Variants in PARN observed in about 807,000 individuals in gnomAD.
PARN encodes poly(A)-specific ribonuclease PARN.
Under a neutral mutation model 102.8 loss-of-function variants are expected in PARN, and 71 were observed. The ratio of observed to expected loss-of-function variants is 0.69; its 90% CI spans 0.57 to 0.84. The LOEUF is 0.84. Ranked by LOEUF, PARN falls within the 40% of genes least tolerant of loss-of-function variation. The pLI, the probability that PARN is intolerant of heterozygous loss-of-function variation, is 0.00. For missense variants in PARN, 782 were observed against 760.9 expected, an observed-to-expected ratio of 1.03 and a Z score of -0.33; for synonymous variants, 261 against 252.9, an observed-to-expected ratio of 1.03 and a Z score of -0.30.
At chr16:14,481,952 G>A (rs1197799738) in intron 22 of PARN, among the ~76,000 whole-genome samples, 1 of 152,136 alleles carries the variant, frequency 6.6e-6, no homozygotes, top group Non-Finnish European at 1.5e-5. Flanking sequence ...GTATCTACAG[G>A]ACCTGAAAGC....
At chr16:14,575,906 C>T (rs565405413) in intron 18 of PARN, among the ~76,000 whole-genome samples, 1 of 152,296 alleles carries the variant, frequency 6.6e-6, no homozygotes, top group African/African-American at 2.4e-5. Context: ...CTTTCCTGCA[C>T]TGTTCTCGTG....
intron 21 of PARN, among the ~76,000 whole-genome samples, chr16:14,538,219 CTTTT>C (rs34012270): frequency 1.5e-5 from 2 of 131,838 alleles, no homozygotes. Flanking sequence ...ATATTTTTCA[CTTTT>C]TTTTTTTTTT....
At chr16:14,438,252 T>C (rs1233887038) in intron 23 of PARN, among the ~76,000 whole-genome samples, 5 of 152,226 alleles carry the variant, frequency 3.3e-5, no homozygotes, top group Admixed American at 6.5e-5. Context: ...AGGGCACTTT[T>C]ATAATTCACA....
chr16:14,486,890 T>C (rs1465590344), intron 21 of PARN, among the ~76,000 whole-genome samples: 1 of 152,214 alleles, frequency 6.6e-6, no homozygotes, highest in Non-Finnish European at 1.5e-5. Flanking sequence ...TTCAAGGCAA[T>C]CTATCGGTCT....
chr16:14,493,751 A>G (rs1964173298), intron 21 of PARN, among the ~76,000 whole-genome samples: 1 of 152,238 alleles, frequency 6.6e-6, no homozygotes, highest in Non-Finnish European at 1.5e-5. Flanking sequence ...GAGGTGGAAG[A>G]GCTACTGCTT....
chr16:14,562,296 G>T (rs1968115164), intron 18 of PARN, among the ~76,000 whole-genome samples: 1 of 150,658 alleles, frequency 6.6e-6, no homozygotes. Context: ...CTGCTACAAA[G>T]AAATACAGAA....
At chr16:14,531,136 G>A (rs191753777) in intron 21 of PARN, among the ~76,000 whole-genome samples, 221 of 152,220 alleles carry the variant, frequency 1.5e-3, no homozygotes, top group Non-Finnish European at 2.2e-3. Context: ...AGATCACTTG[G>A]AGTTTGAGAA....
chr16:14,619,847 G>A (rs1318288404), intron 5 of PARN, among the ~76,000 whole-genome samples: 47 of 150,726 alleles, frequency 3.1e-4, no homozygotes, highest in Admixed American at 5.3e-4. Flanking sequence ...TGAGGCAGGC[G>A]GATCAAGAGG....
intron 6 of PARN, among the ~76,000 whole-genome samples, chr16:14,614,289 G>T (rs1176543764): frequency 6.6e-6 from 1 of 151,872 alleles, no homozygotes; most frequent in Non-Finnish European, 1.5e-5. Context: ...GTAAATGAGA[G>T]GTGCAGTTTT....
chr16:14,495,844 G>T (rs1964286726), intron 21 of PARN, among the ~76,000 whole-genome samples: 1 of 152,132 alleles, frequency 6.6e-6, no homozygotes. Context: ...TGTGTGCGCG[G>T]ACAGCTTTGT....
At chr16:14,577,606 T>A (rs1969223808) in intron 18 of PARN, among the ~76,000 whole-genome samples, 1 of 152,162 alleles carries the variant, frequency 6.6e-6, no homozygotes, top group African/African-American at 2.4e-5. Context: ...AGTGGTGGGA[T>A]TACAGGCATG....
At position 14,628,207 on chromosome 16, in the gene PARN, C is replaced by G. The variant is rs573504567; in HGVS notation, c.142G>C (p.Asp48His). ...TTCTGATACCTCTCTTCTGGAGTGT[C>G]AAAACCATTTGTTAATGCAGAGACT... Reference protein sequence around the residue: ...PSVSALTNGFDTPEERYQKLK... With the variant: ...PSVSALTNGFHTPEERYQKLK... The change falls in exon 3 of 24, where the codon GAC becomes CAC. Residue 48 changes from aspartate to histidine, a missense_variant. Physicochemically the swap from Asp to His is moderately conservative, Grantham distance 81. Coordinates refer to ENST00000437198, the MANE Select transcript of PARN (RefSeq NM_002582.4). The G allele has an allele frequency of 6.2e-7, 1 of 1,607,992 alleles. No individual in the cohort carries two copies. The highest frequency in any genetic ancestry group is 1.3e-5 in the African/African-American group (1 of 74,896).
intron 21 of PARN, among the ~76,000 whole-genome samples, chr16:14,507,018 T>C (rs150329786): frequency 8.1e-4 from 123 of 152,310 alleles, no homozygotes; most frequent in Non-Finnish European, 1.4e-3. Flanking sequence ...TTTTAGAGGG[T>C]GATCTGACAA....
chr16:14,548,497 T>C (rs1040363400), intron 21 of PARN, among the ~76,000 whole-genome samples: 3 of 152,338 alleles, frequency 2.0e-5, no homozygotes, highest in Admixed American at 2.0e-4. Context: ...TACTTACTAA[T>C]GTCAGACACT....
rs573018132 is a variant in PARN at position 14,539,962 on chromosome 16, T to C, written c.1480+12059A>G. 1.2e-3 allele frequency among the ~76,000 whole-genome samples: 181 copies of C among 152,354 alleles called. 1 individual carries two copies. The highest frequency in any genetic ancestry group is 3.9e-3 in the African/African-American group (163 of 41,588). ...GCATTTGCATTGTTAGGCATGTAAGTAATCTAGTGATGTTTTTAAGTATAC... is the reference window on the plus strand; with the variant it reads ...GCATTTGCATTGTTAGGCATGTAAGCAATCTAGTGATGTTTTTAAGTATAC... On this transcript the variant is annotated intron_variant, in intron 21 of 23. Transcript: ENST00000437198.
chr16:14,523,912 C>T (rs1446803051), intron 21 of PARN, among the ~76,000 whole-genome samples: 2 of 152,006 alleles, frequency 1.3e-5, no homozygotes, highest in East Asian at 1.9e-4. Flanking sequence ...GCCTACTACA[C>T]GCCTGGGCTA....
At position 14,571,431 on chromosome 16, in the gene PARN, G is replaced by A. The variant is rs181913291; in HGVS notation, c.1262+9443C>T. Among the ~76,000 whole-genome samples the A allele has an allele frequency of 6.7e-4, 101 of 151,852 alleles. No individual in the cohort carries two copies. The South Asian group carries it at 0.013, about 19-fold the overall frequency. On this transcript the variant is annotated intron_variant, in intron 18 of 23. Transcript: ENST00000437198. ...GTAAGAACTAACCATATGATTCAAA[G>A]GGGAGAAACAAAAAACAGTAACATA...
At chr16:14,503,308 CAGAG>C (rs1270145450) in intron 21 of PARN, among the ~76,000 whole-genome samples, 2 of 152,044 alleles carry the variant, frequency 1.3e-5, no homozygotes, top group African/African-American at 4.8e-5. Context: ...AAACAACACT[CAGAG>C]AGCTGTAAGG....
intron 21 of PARN, among the ~76,000 whole-genome samples, chr16:14,533,196 G>A (rs1221250424): frequency 6.6e-6 from 1 of 152,100 alleles, no homozygotes; most frequent in Admixed American, 6.5e-5. Context: ...TCGCGGTTAG[G>A]AGCTGGAGAC....
Sources: gnomAD v4.1 joint callset for allele counts (sites outside exome capture counted in the v4.1 genomes callset) on GRCh38, gnomAD v4.1.1 for gene constraint, MANE v1.5 for transcripts, NCBI Gene and HGNC (gene_info 2026-07-23, HGNC 2026-07-21) for gene names.